The following ADAM10 variants were observed in gnomAD, a reference collection of about 807,000 sequenced individuals.
ADAM10 encodes the protein ADAM metallopeptidase domain 10, also known as disintegrin and metalloproteinase domain-containing protein 10.
A neutral mutation model predicts 90.1 loss-of-function variants in ADAM10; 17 were observed. The observed-to-expected ratio is 0.19, with a 90% confidence interval of 0.13 to 0.28. The LOEUF (loss-of-function observed/expected upper bound fraction) is 0.28. Among genes scored for constraint, ADAM10 ranks in the 10% least tolerant of loss-of-function variants. The probability of loss-of-function intolerance (pLI) is 1.00; values close to 1 mark genes in which losing one functional copy is unlikely to be tolerated. For missense variants in ADAM10, 610 were observed against 914.3 expected (o/e 0.67, Z 4.29); for synonymous variants, 310 against 298.6 (o/e 1.04, Z -0.40).
chr15:58,611,361 C>G, intron 12 of ADAM10: 1 of 470,882 alleles, frequency 2.1e-6, no homozygotes, highest in Non-Finnish European at 3.8e-6. Context: ...AAAAGCAGAG[C>G]AAGAGATTAG....
At chr15:58,680,096 G>A (rs571844218) in intron 3 of ADAM10, among the ~76,000 whole-genome samples, 6 of 152,094 alleles carry the variant, frequency 3.9e-5, no homozygotes, top group East Asian at 3.9e-4. Context: ...TGGCTTCTGC[G>A]CTATGCTTAG....
At chr15:58,600,265 A>T (rs7164620) in intron 14 of ADAM10, among the ~76,000 whole-genome samples, 43,318 of 151,982 alleles carry the variant, frequency 0.29, 8,651 homozygotes, top group African/African-American at 0.56. Context: ...CTATGTTTTG[A>T]TTGCGTTTAT....
intron 1 of ADAM10, among the ~76,000 whole-genome samples, chr15:58,718,886 G>C (rs987265465): frequency 2.0e-5 from 3 of 152,084 alleles, no homozygotes; most frequent in Admixed American, 6.5e-5. Flanking sequence ...TTCAACTGAG[G>C]AAGTTCCCTG....
At chr15:58,718,311 G>C (rs139458055) in intron 1 of ADAM10, among the ~76,000 whole-genome samples, 1 of 151,854 alleles carries the variant, frequency 6.6e-6, no homozygotes, top group Non-Finnish European at 1.5e-5. Flanking sequence ...ATTTTTGAAC[G>C]TTAAGCCAAC....
At chr15:58,719,426 GA>G (rs1193617882) in intron 1 of ADAM10, among the ~76,000 whole-genome samples, 45 of 147,304 alleles carry the variant, frequency 3.1e-4, no homozygotes, top group African/African-American at 8.4e-4. Flanking sequence ...TTCAAGAGAA[GA>G]AAAAAAAAAG....
intron 14 of ADAM10, among the ~76,000 whole-genome samples, chr15:58,602,725 G>C (rs1247160190): frequency 6.6e-6 from 1 of 152,058 alleles, no homozygotes; most frequent in Non-Finnish European, 1.5e-5. Context: ...TCTCAGATTA[G>C]ATCTCTATAC....
chr15:58,688,786 A>ATATATATATATATC lies in ADAM10; in HGVS notation c.207-6473_207-6472insGATATATATATATA. 2.6e-3 allele frequency among the ~76,000 whole-genome samples: 316 copies of ATATATATATATATC among 122,348 alleles called. 1 individual carries two copies. Among genetic ancestry groups the ATATATATATATATC allele is most frequent in the African/African-American group, 0.01 (290 of 27,802 alleles). The allele number at this position is 122,348 out of a possible 152,430, so 80.3% of individuals were successfully genotyped here. On this transcript the variant is annotated intron_variant, in intron 2 of 15. Coordinates refer to ENST00000260408, the MANE Select transcript of ADAM10 (RefSeq NM_001110.4). ...AAAAATTATATATATATATATATAT[A>ATATATATATATATC]TCTCTCTCTCTCACTGGACTGACTT...
intron 1 of ADAM10, chr15:58,732,833 T>G (rs1190120027): frequency 2.6e-5 from 4 of 153,952 alleles, no homozygotes; most frequent in African/African-American, 9.7e-5. Context: ...GTGACAAGTC[T>G]TTTTATCTAT....
chr15:58,701,570 A>C (rs1898136389), intron 2 of ADAM10, among the ~76,000 whole-genome samples: 1 of 152,218 alleles, frequency 6.6e-6, no homozygotes, highest in South Asian at 2.1e-4. Context: ...TATGCAAAAC[A>C]GCATAGAGAT....
At chr15:58,722,721 G>A (rs1215019036) in intron 1 of ADAM10, among the ~76,000 whole-genome samples, 1 of 142,550 alleles carries the variant, frequency 7.0e-6, no homozygotes, top group Non-Finnish European at 1.5e-5. Flanking sequence ...CTACAAATTT[G>A]AGAACTTTTT....
intron 12 of ADAM10, chr15:58,611,450 G>C (rs1454525650): frequency 3.1e-6 from 1 of 326,310 alleles, no homozygotes; most frequent in Admixed American, 4.7e-5. Flanking sequence ...GTAGAGCAAA[G>C]TGATATTCAG....
chr15:58,621,322 C>T (rs1336659213), intron 11 of ADAM10, 149 bp downstream of exon 11: 2 of 707,690 alleles, frequency 2.8e-6, no homozygotes, highest in Non-Finnish European at 4.7e-6. Flanking sequence ...AGAGCAGTAA[C>T]CAACACTACT....
chr15:58,716,691 T>C (rs1311351172), intron 2 of ADAM10, among the ~76,000 whole-genome samples: 1 of 152,114 alleles, frequency 6.6e-6, no homozygotes, highest in Non-Finnish European at 1.5e-5. Flanking sequence ...AAGAAGTATT[T>C]AGAGAAAAGT....
chr15:58,684,513 AC>A (rs1398393511), intron 2 of ADAM10, among the ~76,000 whole-genome samples: 2 of 152,100 alleles, frequency 1.3e-5, no homozygotes, highest in African/African-American at 4.8e-5. Context: ...CTCTATAGAA[AC>A]TCTTGAACAA....
intron 1 of ADAM10, among the ~76,000 whole-genome samples, chr15:58,726,966 T>C (rs999874929): frequency 6.6e-6 from 1 of 150,896 alleles, no homozygotes; most frequent in South Asian, 2.1e-4. Flanking sequence ...GAAGGGAAAG[T>C]AAATGATCTA....
At chr15:58,734,314 G>A (rs1268576647) in intron 1 of ADAM10, among the ~76,000 whole-genome samples, 1 of 152,012 alleles carries the variant, frequency 6.6e-6, no homozygotes, top group Non-Finnish European at 1.5e-5. Context: ...AGAACTATTA[G>A]CCCATTTTAA....
chr15:58,717,799 A>G, intron 1 of ADAM10, 72 bp from the exon 2 acceptor site: 1 of 1,557,360 alleles, frequency 6.4e-7, no homozygotes, highest in Non-Finnish European at 8.7e-7. Flanking sequence ...ACGATTATTC[A>G]AGTATCTATG....
intron 13 of ADAM10, 46 bp from the exon 14 acceptor site, chr15:58,610,563 T>C (rs201846934): frequency 6.4e-7 from 1 of 1,564,322 alleles, no homozygotes; most frequent in Non-Finnish European, 8.8e-7. Context: ...GATTCAAATA[T>C]AAGTTGAAGA....
intron 9 of ADAM10, among the ~76,000 whole-genome samples, chr15:58,631,106 C>T (rs1374072008): frequency 2.0e-4 from 30 of 152,186 alleles, no homozygotes; most frequent in Admixed American, 1.9e-3. Context: ...CACATGCCAG[C>T]ACCTGTTGCC....
Sources: gnomAD v4.1 joint callset for allele counts (sites outside exome capture counted in the v4.1 genomes callset) on GRCh38, gnomAD v4.1.1 for gene constraint, MANE v1.5 for transcripts, NCBI Gene and HGNC (gene_info 2026-07-23, HGNC 2026-07-21) for gene names.